C9orf43: variants seen among roughly 807,000 people sequenced by gnomAD.
C9orf43 encodes chromosome 9 open reading frame 43.
Under a neutral mutation model 59.1 loss-of-function variants are expected in C9orf43, and 45 were observed. The ratio of observed to expected loss-of-function variants is 0.76; its 90% CI spans 0.60 to 0.98. The LOEUF is 0.98. C9orf43 is among the 50% of genes least tolerant of loss of function. C9orf43 has a pLI of 0.00. For missense variants in C9orf43, 533 were observed against 554.9 expected (o/e 0.96, Z 0.40); for synonymous variants, 203 against 196.8 (o/e 1.03, Z -0.26).
chr9:113,428,058 C>A, intron 11 of C9orf43, 89 bp from the exon 12 acceptor site: 1 of 1,263,718 alleles, frequency 7.9e-7, no homozygotes. Context: ...GATGCAGAGT[C>A]ACTTGTAGAC....
intron 11 of C9orf43, 73 bp from the exon 12 acceptor site, chr9:113,428,074 G>A (rs1206190220): frequency 1.4e-6 from 2 of 1,464,384 alleles, no homozygotes; most frequent in African/African-American, 1.4e-5. Flanking sequence ...TAGACTAGGG[G>A]TCACCTAGAA....
chr9:113,426,363 T>A (rs1447979362), intron 11 of C9orf43, among the ~76,000 whole-genome samples: 1 of 151,560 alleles, frequency 6.6e-6, no homozygotes, highest in Non-Finnish European at 1.5e-5. Context: ...CTTACCCCTA[T>A]CCCTCCAAAA....
At position 113,425,071 on chromosome 9, in the gene C9orf43, CAG is replaced by C. The variant is rs1480370489; in HGVS notation, c.862_863del (p.Glu288ArgfsTer24). 6.2e-7 allele frequency: 1 copy of C among 1,613,144 alleles called. No individual in the cohort carries two copies. The highest frequency in any genetic ancestry group is 8.5e-7 in the Non-Finnish European group (1 of 1,179,724). On this transcript the variant is annotated frameshift_variant, in exon 9 of 14. Coordinates refer to ENST00000374165, the MANE Select transcript of C9orf43 (RefSeq NM_001278629.2). LOFTEE classifies it high-confidence loss of function. ...TTGAAGAAATTACATAACCTGAAGA[CAG>C]AAGGTAGATTTGCTGTTGCTGCTGG...
chr9:113,423,639 C>G, intron 7 of C9orf43, 141 bp downstream of exon 7: 1 of 753,352 alleles, frequency 1.3e-6, no homozygotes, highest in Non-Finnish European at 2.1e-6. Context: ...CTTGGACTTA[C>G]CAACAGGCAG....
chr9:113,416,235 T>C (rs764568900), intron 3 of C9orf43, among the ~76,000 whole-genome samples: 1 of 152,248 alleles, frequency 6.6e-6, no homozygotes, highest in Non-Finnish European at 1.5e-5. Context: ...CAGATTAATC[T>C]TCCAAAAATA....
chr9:113,429,676 G>A lies in C9orf43; in HGVS notation c.*290G>A. On this transcript the variant is annotated 3_prime_UTR_variant, in exon 14 of 14. Transcript: ENST00000374165. ...ATAATTTTGGTGATTAAACACAACT[G>A]CTTTTCAATCAAAAGACTTATTTTC... 1 of 318,430 alleles carries A rather than the reference G, an allele frequency of 3.1e-6. No homozygotes were observed. Among genetic ancestry groups the A allele is most frequent in the Non-Finnish European group, 5.7e-6 (1 of 174,118 alleles). The allele number at this position is 318,430 out of a possible 1,614,324, so 19.7% of individuals were successfully genotyped here.
chr9:113,414,010 G>A (rs895020231), intron 3 of C9orf43, 116 bp downstream of exon 3: 5 of 1,143,328 alleles, frequency 4.4e-6, no homozygotes, highest in Non-Finnish European at 6.1e-6. Context: ...ATACCAATTG[G>A]GTTAAAGAAG....
At position 113,413,882 on chromosome 9, in the gene C9orf43, A is replaced by G. The variant is rs138681690; in HGVS notation, c.275A>G (p.Lys92Arg). 7.5e-6 allele frequency: 12 copies of G among 1,608,840 alleles called. No homozygotes were observed. The highest frequency in any genetic ancestry group is 1.3e-5 in the African/African-American group (1 of 74,560). The change falls in exon 3 of 14, where the codon AAA (lysine) becomes AGA (arginine). Residue 92 changes from lysine (K) to arginine (R), a missense_variant. By Grantham distance (26) the Lys-to-Arg change is conservative. Transcript: ENST00000374165. ...LLSQSSKFYS[K>R]FHGRPPKGLP... Reference sequence around the variant, plus strand: ...TCTCAGAGTTCAAAGTTTTACTCCAAATTTCATGGCAGGTAAATTATCATG... The same window carrying G: ...TCTCAGAGTTCAAAGTTTTACTCCAGATTTCATGGCAGGTAAATTATCATG...
At position 113,425,664 on chromosome 9, in the gene C9orf43, A is replaced by G; in HGVS notation, c.964A>G (p.Ser322Gly). 6.2e-7 allele frequency: 1 copy of G among 1,614,142 alleles called. No homozygotes were observed. The highest frequency in any genetic ancestry group is 8.5e-7 in the Non-Finnish European group (1 of 1,179,984). ...KKQEAKKKAK[S>G]DPGIQSTSHK... ...TCAGGAGGCTAAAAAGAAAGCCAAG[A>G]GTGATCCAGGGATCCAGAGCACTTC... Residue 322 changes from serine to glycine, a missense_variant, in exon 11 of 14, where the codon AGT becomes GGT. Coordinates refer to ENST00000374165, the MANE Select transcript of C9orf43 (RefSeq NM_001278629.2).
chr9:113,417,313 A>T (rs561532611), intron 3 of C9orf43, among the ~76,000 whole-genome samples: 1 of 152,316 alleles, frequency 6.6e-6, no homozygotes, highest in South Asian at 2.1e-4. Context: ...TCAGTCCCTG[A>T]CATGCTTATT....
chr9:113,425,849 A>C, intron 11 of C9orf43, 119 bp downstream of exon 11: 1 of 786,544 alleles, frequency 1.3e-6, no homozygotes, highest in Non-Finnish European at 2.2e-6. Context: ...AGGCACTCAG[A>C]GTTTCTTGGA....
In C9orf43 at chr9:113,413,430, C is replaced by T; in HGVS notation, c.-49-15C>T. ...TGTATAATACTCCCTAATTATGTAG[C>T]TGTTGATTTTCCAGAGCACTAGAAT... On this transcript the variant is annotated splice_polypyrimidine_tract_variant and intron_variant, in intron 1 of 13. Coordinates refer to ENST00000374165, the MANE Select transcript of C9orf43 (RefSeq NM_001278629.2). The T allele has an allele frequency of 6.4e-7, 1 of 1,562,404 alleles. No homozygotes were observed. Among genetic ancestry groups the T allele is most frequent in the Admixed American group, 1.8e-5 (1 of 54,364 alleles).
chr9:113,414,952 C>T (rs1490845092), intron 3 of C9orf43, among the ~76,000 whole-genome samples: 1 of 152,206 alleles, frequency 6.6e-6, no homozygotes, highest in Non-Finnish European at 1.5e-5. Context: ...ATGCCTCAGC[C>T]TCCCGAGTAT....
At chr9:113,419,426 T>G (rs962754259) in intron 4 of C9orf43, among the ~76,000 whole-genome samples, 17 of 152,184 alleles carry the variant, frequency 1.1e-4, no homozygotes, top group African/African-American at 4.1e-4. Flanking sequence ...GTCTCTATCC[T>G]GCATAGAACA....
At chr9:113,418,118 T>C (rs1292807826) in intron 3 of C9orf43, among the ~76,000 whole-genome samples, 1 of 152,206 alleles carries the variant, frequency 6.6e-6, no homozygotes, top group Non-Finnish European at 1.5e-5. Flanking sequence ...TACAATTCAT[T>C]GGCATTAAGT....
chr9:113,424,093 A>ATCTC, intron 7 of C9orf43, 73 bp from the exon 8 acceptor site: 2 of 1,508,210 alleles, frequency 1.3e-6, no homozygotes, highest in Non-Finnish European at 1.8e-6. Flanking sequence ...AGCCCTTTAC[A>ATCTC]TCTCTTTCTC....
chr9:113,428,205 A>C lies in C9orf43; in HGVS notation c.1089A>C (p.Lys363Asn). Residue 363 changes from lysine to asparagine, a missense_variant, in exon 12 of 14, where the codon AAA becomes AAC. Lys to Asn is a moderately conservative substitution (Grantham distance 94). Coordinates refer to ENST00000374165, the MANE Select transcript of C9orf43 (RefSeq NM_001278629.2). Reference protein sequence around the residue: ...SDMKQQQQMEKGTTSKQDSTE... With the variant: ...SDMKQQQQMENGTTSKQDSTE... ...TGAAGCAGCAGCAGCAGATGGAAAA[A>C]GGAACCACTTCGAAACAGGTGAGAG... The C allele has an allele frequency of 6.2e-7, 1 of 1,614,222 alleles. No individual in the cohort carries two copies.
At chr9:113,413,346 G>A (rs1248979713) in intron 1 of C9orf43, 99 bp from the exon 2 acceptor site, 3 of 1,112,946 alleles carry the variant, frequency 2.7e-6, no homozygotes. Context: ...TACCTATATA[G>A]GTTCAATAGA....
At chr9:113,416,643 A>G (rs760718020) in intron 3 of C9orf43, among the ~76,000 whole-genome samples, 5 of 150,972 alleles carry the variant, frequency 3.3e-5, no homozygotes, top group Non-Finnish European at 7.4e-5. Flanking sequence ...TAATGGCCCT[A>G]CTGTTTCTTC....
Sources: gnomAD v4.1 joint callset for allele counts (sites outside exome capture counted in the v4.1 genomes callset) on GRCh38, gnomAD v4.1.1 for gene constraint, MANE v1.5 for transcripts, NCBI Gene and HGNC (gene_info 2026-07-23, HGNC 2026-07-21) for gene names.